ANKS1B: variants seen among roughly 807,000 people sequenced by gnomAD.
ANKS1B encodes ankyrin repeat and sterile alpha motif domain-containing protein 1B.
Under a neutral mutation model 148.3 loss-of-function variants are expected in ANKS1B, and 36 were observed. The ratio of observed to expected loss-of-function variants is 0.24; its 90% CI spans 0.19 to 0.32. The LOEUF (loss-of-function observed/expected upper bound fraction) is 0.32. ANKS1B is among the 10% of genes least tolerant of loss of function. The pLI, the probability that ANKS1B is intolerant of heterozygous loss-of-function variation, is 1.00. For missense variants in ANKS1B, 1,157 were observed against 1,542.6 expected, an observed-to-expected ratio of 0.75 and a Z score of 4.19; for synonymous variants, 542 against 560.8, an observed-to-expected ratio of 0.97 and a Z score of 0.47.
At chr12:99,609,334 T>G (rs752775128) in intron 9 of ANKS1B, among the ~76,000 whole-genome samples, 1 of 151,886 alleles carries the variant, frequency 6.6e-6, no homozygotes, top group Non-Finnish European at 1.5e-5. Context: ...AAGGTATCCA[T>G]CAAGTAACTC....
chr12:98,736,742 A>G (rs920958074), intron 9 of ANKS1B, among the ~76,000 whole-genome samples: 14 of 152,224 alleles, frequency 9.2e-5, no homozygotes, highest in Non-Finnish European at 5.9e-5. Context: ...AAAAAGGACC[A>G]GCAGAGACTA....
chr12:99,204,916 G>C (rs141917807), intron 14 of ANKS1B, among the ~76,000 whole-genome samples: 11 of 152,280 alleles, frequency 7.2e-5, no homozygotes, highest in Non-Finnish European at 1.3e-4. Flanking sequence ...TTTTCACACA[G>C]AGAGTGTTTA....
At chr12:98,978,871 C>T (rs1216429911) in intron 17 of ANKS1B, among the ~76,000 whole-genome samples, 2 of 152,056 alleles carry the variant, frequency 1.3e-5, no homozygotes, top group Admixed American at 6.5e-5. Context: ...GGGCCGGGCG[C>T]GGTGGCTCAC....
intron 8 of ANKS1B, among the ~76,000 whole-genome samples, chr12:99,740,519 A>T (rs1160374038): frequency 6.6e-6 from 1 of 152,182 alleles, no homozygotes; most frequent in Non-Finnish European, 1.5e-5. Flanking sequence ...ATGAAAGCAT[A>T]GGGTAAAATC....
At chr12:99,177,001 A>G (rs1184034866) in intron 14 of ANKS1B, among the ~76,000 whole-genome samples, 1 of 152,224 alleles carries the variant, frequency 6.6e-6, no homozygotes, top group Non-Finnish European at 1.5e-5. Flanking sequence ...TATTTTCTGC[A>G]TATGAGAGGA....
chr12:99,980,017 A>AG (rs2095675901), intron 1 of ANKS1B, among the ~76,000 whole-genome samples: 1 of 151,916 alleles, frequency 6.6e-6, no homozygotes, highest in Non-Finnish European at 1.5e-5. Context: ...GTCAGAAAGA[A>AG]GAAAAAAAAG....
intron 17 of ANKS1B, among the ~76,000 whole-genome samples, chr12:99,042,804 T>A (rs1319893): frequency 8.6e-4 from 131 of 152,126 alleles, no homozygotes; most frequent in African/African-American, 3.0e-3. Flanking sequence ...CTTAGAGAAG[T>A]TTAAGTGACT....
intron 17 of ANKS1B, among the ~76,000 whole-genome samples, chr12:98,945,505 C>CAAAAAAAAAAAAAAAAAA (rs3051086): frequency 7.9e-4 from 24 of 30,266 alleles, no homozygotes; most frequent in Middle Eastern, 0.02. Context: ...AACAAACAAA[C>CAAAAAAAAAAAAAAAAAA]AAAAAAAAAA....
At chr12:99,134,196 G>A (rs1256725036) in intron 15 of ANKS1B, among the ~76,000 whole-genome samples, 1 of 152,136 alleles carries the variant, frequency 6.6e-6, no homozygotes, top group Non-Finnish European at 1.5e-5. Context: ...ATTTCAAGAT[G>A]TGTACTGAGC....
chr12:99,193,142 A>AATATATGTATTAAAT (rs2080953057), intron 14 of ANKS1B, among the ~76,000 whole-genome samples: 1 of 152,164 alleles, frequency 6.6e-6, no homozygotes, highest in Non-Finnish European at 1.5e-5. Flanking sequence ...ATATACCTTT[A>AATATATGTATTAAAT]ATATGCTTAT....
rs11109727 is a variant in ANKS1B, at chr12:99,108,240, T to C, written c.2527-23217A>G. Among the ~76,000 whole-genome samples, 885 of 152,306 alleles carry C rather than the reference T, an allele frequency of 5.8e-3. 13 individuals carry two copies. The highest frequency in any genetic ancestry group is 0.02 in the African/African-American group (852 of 41,562). ...TGAAGATAAGCCGAATGACAGAAAATGCACTTTGTGCAAACCTCCATGCAG... is the reference window on the plus strand; with the variant it reads ...TGAAGATAAGCCGAATGACAGAAAACGCACTTTGTGCAAACCTCCATGCAG... On this transcript the variant is annotated intron_variant, in intron 15 of 26. Coordinates refer to ENST00000683438, the MANE Select transcript of ANKS1B (RefSeq NM_001352186.2).
At chr12:99,683,380 G>A (rs1046828169) in intron 8 of ANKS1B, among the ~76,000 whole-genome samples, 5 of 152,034 alleles carry the variant, frequency 3.3e-5, no homozygotes, top group Admixed American at 1.3e-4. Context: ...AAAACCTAGA[G>A]GAGATAGATA....
chr12:99,842,039 T>C (rs1303171214), intron 1 of ANKS1B, among the ~76,000 whole-genome samples: 2 of 152,178 alleles, frequency 1.3e-5, no homozygotes, highest in Non-Finnish European at 2.9e-5. Context: ...CACATTTGAG[T>C]TGAATGCTTC....
chr12:99,431,422 G>A (rs1041264706), intron 11 of ANKS1B, among the ~76,000 whole-genome samples: 1 of 152,168 alleles, frequency 6.6e-6, no homozygotes, highest in Admixed American at 6.5e-5. Flanking sequence ...AAACCAGAAT[G>A]GAATTGTTAG....
At chr12:99,661,727 T>C (rs1000081601) in intron 8 of ANKS1B, among the ~76,000 whole-genome samples, 4 of 152,218 alleles carry the variant, frequency 2.6e-5, no homozygotes, top group Non-Finnish European at 4.4e-5. Context: ...TAACACCTTC[T>C]TTTATTCTTG....
chr12:99,072,448 G>A (rs1048416424), intron 16 of ANKS1B, among the ~76,000 whole-genome samples: 4 of 152,018 alleles, frequency 2.6e-5, no homozygotes, highest in African/African-American at 9.7e-5. Context: ...GAGAATTTAA[G>A]TAACTTGGCC....
intron 9 of ANKS1B, among the ~76,000 whole-genome samples, chr12:99,591,252 C>T (rs573525553): frequency 1.1e-4 from 17 of 151,782 alleles, no homozygotes; most frequent in African/African-American, 3.6e-4. Flanking sequence ...AAATTTATCT[C>T]GTTCGATAAA....
At chr12:99,230,834 C>A (rs1349326027) in intron 14 of ANKS1B, among the ~76,000 whole-genome samples, 1 of 151,966 alleles carries the variant, frequency 6.6e-6, no homozygotes, top group East Asian at 1.9e-4. Flanking sequence ...TAGATTTAAT[C>A]TATCTGAAAA....
chr12:98,744,012 T>A lies in ANKS1B; in HGVS notation c.*1727A>T. 2 of 984,072 alleles carry A rather than the reference T, an allele frequency of 2.0e-6. No homozygotes were observed. The highest frequency in any genetic ancestry group is 2.4e-6 in the Non-Finnish European group (2 of 828,680). 61.0% of individuals were successfully genotyped at this position (984,072 alleles called of 1,614,324 possible). On this transcript the variant is annotated 3_prime_UTR_variant, in exon 27 of 27. Transcript: ENST00000683438. ...CTGTTTTATTTTTGTGTGCTTTTTTTATAGGATATAAATAATGACAAAAAT... is the reference window on the plus strand; with the variant it reads ...CTGTTTTATTTTTGTGTGCTTTTTTAATAGGATATAAATAATGACAAAAAT...
Sources: gnomAD v4.1 joint callset for allele counts (sites outside exome capture counted in the v4.1 genomes callset) on GRCh38, gnomAD v4.1.1 for gene constraint, MANE v1.5 for transcripts, NCBI Gene and HGNC (gene_info 2026-07-23, HGNC 2026-07-21) for gene names.